ADGRL1: variants seen among roughly 807,000 people sequenced by gnomAD.
ADGRL1 encodes the protein CIRL-1.
A neutral mutation model predicts 148.9 loss-of-function variants in ADGRL1; 31 were observed. The ratio of observed to expected loss-of-function variants is 0.21; its 90% CI spans 0.16 to 0.28. ADGRL1 has a LOEUF of 0.28. Among genes scored for constraint, ADGRL1 ranks in the 10% least tolerant of loss-of-function variants. The pLI is 1.00. For missense variants in ADGRL1, 1,521 were observed against 2,058.8 expected, an observed-to-expected ratio of 0.74 and a Z score of 5.05; for synonymous variants, 937 against 900.3, an observed-to-expected ratio of 1.04 and a Z score of -0.73.
chr19:14,198,185 A>T (rs757500007), intron 1 of ADGRL1, among the ~76,000 whole-genome samples: 35 of 152,062 alleles, frequency 2.3e-4, no homozygotes, highest in Non-Finnish European at 4.9e-4. Context: ...GGGGGGTCAC[A>T]GAGGCCATAC....
At chr19:14,204,350 G>T (rs1466661035) in intron 1 of ADGRL1, among the ~76,000 whole-genome samples, 2 of 152,072 alleles carry the variant, frequency 1.3e-5, no homozygotes, top group Non-Finnish European at 2.9e-5. Context: ...CCTGCCGGGG[G>T]CAGACAGGAG....
At chr19:14,173,943 CAAAAAAAAAAAAA>C (rs774211423) in intron 3 of ADGRL1, among the ~76,000 whole-genome samples, 38 of 32,968 alleles carry the variant, frequency 1.2e-3, no homozygotes, top group African/African-American at 3.2e-3. Flanking sequence ...GACTCCGTCT[CAAAAAAAAAAAAA>C]AAAAAAAAAA....
chr19:14,161,652 C>T lies in ADGRL1; in HGVS notation c.1196-26G>A, dbSNP rs1420902291. ...CTGGAGAGGGGATACGAGACAGGGT[C>T]ATCCCCATGCTCAGGGCCATGCCAC... On this transcript the variant is annotated intron_variant, in intron 5 of 22. Coordinates refer to ENST00000361434, the MANE Select transcript of ADGRL1 (RefSeq NM_014921.5). The surrounding 1 kb of genome is among the most constrained non-coding windows in gnomAD (Gnocchi z 4.4). The T allele has an allele frequency of 2.2e-6, 3 of 1,364,032 alleles. No homozygotes were observed. The highest frequency in any genetic ancestry group is 2.8e-6 in the Non-Finnish European group (3 of 1,058,056). 84.5% of individuals were successfully genotyped at this position (1,364,032 alleles called of 1,614,324 possible).
intron 4 of ADGRL1, chr19:14,168,751 T>C (rs373146093): frequency 6.6e-6 from 1 of 152,286 alleles, no homozygotes; most frequent in East Asian, 1.9e-4. Flanking sequence ...CATTATCCGT[T>C]GTTATTTTAA....
At position 14,160,252 on chromosome 19, in the gene ADGRL1, G is replaced by A; in HGVS notation, c.1660C>T (p.Arg554Ter). The A allele has an allele frequency of 6.3e-7, 1 of 1,594,546 alleles. No homozygotes were observed. The highest frequency in any genetic ancestry group is 8.6e-7 in the Non-Finnish European group (1 of 1,164,064). The change falls in exon 8 of 23, where the codon CGA becomes TGA. Residue 554 changes from arginine to a stop codon, truncating the protein, a stop_gained. Coordinates refer to ENST00000361434, the MANE Select transcript of ADGRL1 (RefSeq NM_014921.5). LOFTEE classifies it high-confidence loss of function. The surrounding 1 kb of genome is among the most constrained non-coding windows in gnomAD (Gnocchi z 5.9). ...GCGTAGATGGAGCCCCGGGTGTGTCGGGCCAGCTCGCTGGCGATGTTGGCC... is the reference window on the plus strand; with the variant it reads ...GCGTAGATGGAGCCCCGGGTGTGTCAGGCCAGCTCGCTGGCGATGTTGGCC... ...NAANIASELARHTRGSIYAGD... is the reference protein window; with the variant it reads ...NAANIASELA
At chr19:14,156,308 T>A in intron 16 of ADGRL1, 107 bp from the exon 17 acceptor site, 1 of 887,582 alleles carries the variant, frequency 1.1e-6, no homozygotes, top group South Asian at 1.5e-5. Flanking sequence ...GGCCCTCGCC[T>A]CTGCTGGGAG....
At chr19:14,203,175 G>A (rs1432120596) in intron 1 of ADGRL1, among the ~76,000 whole-genome samples, 2 of 152,154 alleles carry the variant, frequency 1.3e-5, no homozygotes, top group African/African-American at 2.4e-5. Flanking sequence ...GGGAACCCCC[G>A]CCTCAGGAGC....
At chr19:14,201,326 G>T (rs1453754421) in intron 1 of ADGRL1, among the ~76,000 whole-genome samples, 1 of 143,560 alleles carries the variant, frequency 7.0e-6, no homozygotes, top group African/African-American at 2.6e-5. Context: ...GCGGGGTGGG[G>T]GGGGGCAAGG....
chr19:14,203,969 G>GC (rs1972788726), intron 1 of ADGRL1, among the ~76,000 whole-genome samples: 1 of 151,896 alleles, frequency 6.6e-6, no homozygotes, highest in Non-Finnish European at 1.5e-5. Flanking sequence ...GAAGATGGTG[G>GC]CAAGACCAGC....
intron 22 of ADGRL1, 120 bp from the exon 23 acceptor site, chr19:14,151,735 T>C: frequency 2.1e-6 from 2 of 963,586 alleles, no homozygotes; most frequent in Non-Finnish European, 3.1e-6. Context: ...TCCGTAGGCT[T>C]CCCCCTGCCC....
Position 14,152,977 on chromosome 19 carries a change from G to T in ADGRL1, c.3295-65C>A. On this transcript the variant is annotated intron_variant, in intron 18 of 22. Transcript: ENST00000361434. This position sits in a 1 kb window ranked among gnomAD's most constrained non-coding sequence, Gnocchi z 6.1. ...CTCCTCTGTGATCCAGTCTCCCACA[G>T]GGCTGGTCACAAGACAGGCAGCCTT... 1 of 1,583,128 alleles carries T rather than the reference G, an allele frequency of 6.3e-7. No homozygotes were observed.
At chr19:14,185,450 C>A (rs563313449) in intron 1 of ADGRL1, among the ~76,000 whole-genome samples, 1 of 152,172 alleles carries the variant, frequency 6.6e-6, no homozygotes, top group African/African-American at 2.4e-5. Context: ...CTCGCCACCA[C>A]GCCCAGCTAA....
chr19:14,192,947 G>A (rs1269513281), intron 1 of ADGRL1, among the ~76,000 whole-genome samples: 1 of 152,140 alleles, frequency 6.6e-6, no homozygotes, highest in Non-Finnish European at 1.5e-5. Flanking sequence ...AACACACAGT[G>A]GGTCCCCAAG....
intron 3 of ADGRL1, among the ~76,000 whole-genome samples, chr19:14,174,928 A>G (rs1970716747): frequency 6.6e-6 from 1 of 150,620 alleles, no homozygotes; most frequent in African/African-American, 2.5e-5. Flanking sequence ...TGAAGCCTCA[A>G]ACTCCCGGGC....
At chr19:14,183,476 GC>G (rs61051191) in intron 2 of ADGRL1, 56 bp downstream of exon 2, 1,373,494 of 1,424,106 alleles carry the variant, frequency 0.96, 662,673 homozygotes, top group East Asian at 1. Context: ...CATTTTATCT[GC>G]CCCCCCCAGA....
rs562477248 is a variant in ADGRL1 at position 14,159,911 on chromosome 19, G to A, written c.1801-138C>T. 1 of 1,002,154 alleles carries A rather than the reference G, an allele frequency of 1.0e-6. No individual in the cohort carries two copies. The allele number at this position is 1,002,154 out of a possible 1,614,324, so 62.1% of individuals were successfully genotyped here. Reference sequence around the variant, plus strand: ...TGGGCTATCAGCAAGACATTCCTCAGGGATCCCCAACCCCCAGGACCATCC... The same window carrying A: ...TGGGCTATCAGCAAGACATTCCTCAAGGATCCCCAACCCCCAGGACCATCC... On this transcript the variant is annotated intron_variant, in intron 8 of 22. Coordinates refer to ENST00000361434, the MANE Select transcript of ADGRL1 (RefSeq NM_014921.5). This position sits in a 1 kb window ranked among gnomAD's most constrained non-coding sequence, Gnocchi z 6.0.
Position 14,148,769 on chromosome 19 carries a change from T to A in ADGRL1, c.*2104A>T, listed in dbSNP as rs1967848923. The A allele has an allele frequency of 6.5e-6, 1 of 152,712 alleles. No individual in the cohort carries two copies. Among genetic ancestry groups the A allele is most frequent in the Admixed American group, 6.5e-5 (1 of 15,278 alleles). 9.5% of individuals were successfully genotyped at this position (152,712 alleles called of 1,614,324 possible). Reference sequence around the variant, plus strand: ...CCACCTCTTCCCCACACCTGTTCCCTTACACGGGACAAACCACCATCTTTG... The same window carrying A: ...CCACCTCTTCCCCACACCTGTTCCCATACACGGGACAAACCACCATCTTTG... On this transcript the variant is annotated 3_prime_UTR_variant, in exon 23 of 23. Transcript: ENST00000361434.
At chr19:14,198,343 T>C (rs745345602) in intron 1 of ADGRL1, among the ~76,000 whole-genome samples, 4 of 151,788 alleles carry the variant, frequency 2.6e-5, no homozygotes, top group African/African-American at 9.7e-5. Flanking sequence ...GTGGGGAGGG[T>C]TGCTGGGAGT....
rs973467959 is a variant in ADGRL1, at chr19:14,161,865, A to G, written c.1196-239T>C. On this transcript the variant is annotated intron_variant, in intron 5 of 22. Transcript: ENST00000361434. This position sits in a 1 kb window ranked among gnomAD's most constrained non-coding sequence, Gnocchi z 4.4. Reference sequence around the variant, plus strand: ...GTGGTAAAAATCCACGATGTGTACCATAAGGTCTGAGAGAACGGTCAGGGG... The same window carrying G: ...GTGGTAAAAATCCACGATGTGTACCGTAAGGTCTGAGAGAACGGTCAGGGG... Among the ~76,000 whole-genome samples the G allele has an allele frequency of 2.0e-5, 3 of 152,152 alleles. No homozygotes were observed. Among genetic ancestry groups the G allele is most frequent in the African/African-American group, 7.2e-5 (3 of 41,436 alleles).
Sources: gnomAD v4.1 joint callset for allele counts (sites outside exome capture counted in the v4.1 genomes callset) on GRCh38, gnomAD v4.1.1 for gene constraint, Gnocchi (gnomAD v3.1) non-coding constraint, MANE v1.5 for transcripts, NCBI Gene and HGNC (gene_info 2026-07-23, HGNC 2026-07-21) for gene names.